Variants in LRRFIP2 observed in about 807,000 individuals in gnomAD.
LRRFIP2 encodes the protein leucine-rich repeat flightless-interacting protein 2.
In LRRFIP2, 109 loss-of-function variants were observed where a neutral mutation model predicts 125.9. That is an observed-to-expected ratio of 0.87 (90% CI 0.74 to 1.01). The LOEUF is 1.01. LRRFIP2 is among the 50% of genes least tolerant of loss of function. The probability of loss-of-function intolerance (pLI) is 0.00; values close to 1 mark genes in which losing one functional copy is unlikely to be tolerated. For synonymous variants in LRRFIP2, 291 were observed against 293.1 expected (o/e 0.99, Z 0.07); for missense variants, 850 against 862.3 (o/e 0.99, Z 0.18).
rs534490521 is a variant in LRRFIP2 at position 37,081,794 on chromosome 3, G to A, written c.1278+1842C>T. On this transcript the variant is annotated intron_variant, in intron 19 of 27. Coordinates refer to ENST00000336686, the MANE Select transcript of LRRFIP2 (RefSeq NM_006309.4). The stretch of plus-strand genomic sequence containing the variant: ...TCCCAGCTACTCAGGAGGCTGAGGT[G>A]GGAGGATCACTTGAGCCTGGAGACA... 9.9e-5 allele frequency among the ~76,000 whole-genome samples: 15 copies of A among 151,806 alleles called. No individual in the cohort carries two copies. The East Asian group carries it at 2.9e-3, about 29-fold the overall frequency.
chr3:37,101,540 T>C (rs1437117296), intron 15 of LRRFIP2, among the ~76,000 whole-genome samples: 2 of 151,490 alleles, frequency 1.3e-5, no homozygotes, highest in African/African-American at 4.8e-5. Flanking sequence ...TGACACACGC[T>C]TGTAGTCCCA....
At position 37,060,340 on chromosome 3, in the gene LRRFIP2, G is replaced by A. The variant is rs1349276378; in HGVS notation, c.1750-1430C>T. Among the ~76,000 whole-genome samples the A allele has an allele frequency of 1.3e-5, 2 of 152,010 alleles. No homozygotes were observed. The highest frequency in any genetic ancestry group is 2.1e-4 in the South Asian group (1 of 4,814). Reference sequence around the variant, plus strand: ...GTTTGTTTGTTTGAGACAGGGTCTCGCTCTGTGGCCCAGACTGGAGTGCAG... The same window carrying A: ...GTTTGTTTGTTTGAGACAGGGTCTCACTCTGTGGCCCAGACTGGAGTGCAG... On this transcript the variant is annotated intron_variant, in intron 24 of 27. Transcript: ENST00000336686. This position sits in a 1 kb window ranked among gnomAD's most constrained non-coding sequence, Gnocchi z 4.1.
rs559699402 is a variant in LRRFIP2 at position 37,108,148 on chromosome 3, G to A, written c.658-19C>T. ...CAGATGGCTATAAAGTTTCCAAGAA[G>A]AAAGGTTTTACAACAATGATCACCT... On this transcript the variant is annotated intron_variant, in intron 12 of 27. Coordinates refer to ENST00000336686, the MANE Select transcript of LRRFIP2 (RefSeq NM_006309.4). 143 of 1,600,434 alleles carry A rather than the reference G, an allele frequency of 8.9e-5. 3 individuals carry two copies. The South Asian group carries it at 1.4e-3, about 16-fold the overall frequency.
chr3:37,059,035 A>G, intron 24 of LRRFIP2, 125 bp from the exon 25 acceptor site: 2 of 1,233,440 alleles, frequency 1.6e-6, no homozygotes, highest in Non-Finnish European at 2.3e-6. Flanking sequence ...TTCAAAACCT[A>G]TTTTCTTGAG....
chr3:37,151,285 G>C (rs995968538), intron 1 of LRRFIP2, among the ~76,000 whole-genome samples: 1 of 152,032 alleles, frequency 6.6e-6, no homozygotes, highest in East Asian at 1.9e-4. Flanking sequence ...CTTGAATCCA[G>C]GAGGTGGAGA....
intron 24 of LRRFIP2, among the ~76,000 whole-genome samples, 161 bp downstream of exon 24, chr3:37,063,581 A>C (rs555943522): frequency 1.3e-5 from 2 of 152,386 alleles, no homozygotes; most frequent in African/African-American, 4.8e-5. Context: ...TAAGAACAGA[A>C]AATAACAAAG....
chr3:37,141,572 T>A (rs888202622), intron 2 of LRRFIP2, among the ~76,000 whole-genome samples: 1 of 152,216 alleles, frequency 6.6e-6, no homozygotes, highest in African/African-American at 2.4e-5. Context: ...TTTGATTTCA[T>A]TGGTTCAAAT....
At chr3:37,081,848 C>T (rs1303937253) in intron 19 of LRRFIP2, among the ~76,000 whole-genome samples, 3 of 148,038 alleles carry the variant, frequency 2.0e-5, no homozygotes, top group Non-Finnish European at 4.4e-5. Context: ...ACTTGCGCTA[C>T]TCCACTCCAG....
chr3:37,053,238 T>C lies in LRRFIP2; in HGVS notation c.*613A>G, dbSNP rs1165966066. On this transcript the variant is annotated 3_prime_UTR_variant, in exon 28 of 28. Coordinates refer to ENST00000336686, the MANE Select transcript of LRRFIP2 (RefSeq NM_006309.4). ...GCCCCATGCAATAAAGCAAGTTTTATATACACTCCCCATATTTTTTTCTAA... is the reference window on the plus strand; with the variant it reads ...GCCCCATGCAATAAAGCAAGTTTTACATACACTCCCCATATTTTTTTCTAA... 2 of 152,886 alleles carry C rather than the reference T, an allele frequency of 1.3e-5. No homozygotes were observed. The highest frequency in any genetic ancestry group is 4.8e-5 in the African/African-American group (2 of 41,458). 9.5% of individuals were successfully genotyped at this position (152,886 alleles called of 1,614,324 possible).
chr3:37,109,245 A>C (rs751076732), intron 11 of LRRFIP2, among the ~76,000 whole-genome samples: 23 of 152,184 alleles, frequency 1.5e-4, no homozygotes, highest in Non-Finnish European at 2.8e-4. Context: ...CCATCTCACA[A>C]AAGTATGTGA....
At chr3:37,169,637 C>G (rs11916897) in intron 1 of LRRFIP2, among the ~76,000 whole-genome samples, 53,408 of 152,028 alleles carry the variant, frequency 0.35, 10,566 homozygotes, top group Non-Finnish European at 0.45. Flanking sequence ...AAGATTTCTT[C>G]TAGCTGTTAA....
chr3:37,061,173 C>T (rs915509901), intron 24 of LRRFIP2, among the ~76,000 whole-genome samples: 1 of 152,090 alleles, frequency 6.6e-6, no homozygotes, highest in Non-Finnish European at 1.5e-5. Context: ...CACCTTCCGC[C>T]GTGATGAGAA....
At chr3:37,166,299 C>G (rs1284078349) in intron 1 of LRRFIP2, among the ~76,000 whole-genome samples, 1 of 152,000 alleles carries the variant, frequency 6.6e-6, no homozygotes, top group Non-Finnish European at 1.5e-5. Context: ...CACTGCACTC[C>G]AGCCTGGGCA....
intron 13 of LRRFIP2, among the ~76,000 whole-genome samples, chr3:37,106,041 G>T (rs1395619934): frequency 6.6e-6 from 1 of 152,168 alleles, no homozygotes; most frequent in Non-Finnish European, 1.5e-5. Context: ...CTCCAGTCTG[G>T]GTGGCAGAGC....
chr3:37,115,379 C>T (rs1202827208), intron 6 of LRRFIP2, among the ~76,000 whole-genome samples: 1 of 152,140 alleles, frequency 6.6e-6, no homozygotes, highest in African/African-American at 2.4e-5. Context: ...AATCTCAGTA[C>T]ACTATAGCAC....
At chr3:37,162,155 CAAAAAAAAAAAA>C (rs71091697) in intron 1 of LRRFIP2, among the ~76,000 whole-genome samples, 1 of 74,006 alleles carries the variant, frequency 1.4e-5, no homozygotes, top group East Asian at 4.4e-4. Context: ...GACCCTGTCT[CAAAAAAAAAAAA>C]AAAAAAAAAA....
intron 2 of LRRFIP2, among the ~76,000 whole-genome samples, chr3:37,137,247 G>C (rs1038417855): frequency 6.6e-6 from 1 of 151,950 alleles, no homozygotes; most frequent in African/African-American, 2.4e-5. Context: ...CAAAGTGATG[G>C]GACTACAGGT....
intron 11 of LRRFIP2, 90 bp from the exon 12 acceptor site, chr3:37,108,774 A>C (rs933450788): frequency 6.4e-6 from 7 of 1,097,316 alleles, no homozygotes; most frequent in Non-Finnish European, 9.6e-6. Context: ...AGTACCAAAA[A>C]AGTTTTGGAG....
intron 3 of LRRFIP2, 139 bp downstream of exon 3, chr3:37,128,915 CTGGCACAGA>C: frequency 1.4e-6 from 1 of 694,710 alleles, no homozygotes; most frequent in Non-Finnish European, 2.5e-6. Flanking sequence ...ATTTAATTTG[CTGGCACAGA>C]ATGGCTTGAT....
Sources: allele counts gnomAD v4.1 joint callset (sites outside exome capture counted in the v4.1 genomes callset), GRCh38; gene constraint gnomAD v4.1.1; non-coding constraint Gnocchi (gnomAD v3.1); transcripts MANE v1.5; gene names NCBI Gene and HGNC (gene_info 2026-07-23, HGNC 2026-07-21).